VAV2: variants seen among roughly 807,000 people sequenced by gnomAD.
VAV2 encodes the protein vav guanine nucleotide exchange factor 2.
A neutral mutation model predicts 132.5 loss-of-function variants in VAV2; 67 were observed. The ratio of observed to expected loss-of-function variants is 0.51; its 90% CI spans 0.42 to 0.62. The LOEUF is 0.62. VAV2 is among the 20% of genes least tolerant of loss of function. The probability of loss-of-function intolerance (pLI) is 0.00; values close to 1 mark genes in which losing one functional copy is unlikely to be tolerated. For synonymous variants in VAV2, 492 were observed against 443.5 expected (o/e 1.11, Z -1.37); for missense variants, 938 against 1,153.6 (o/e 0.81, Z 2.71).
At chr9:133,977,789 G>A (rs143674530) in intron 1 of VAV2, among the ~76,000 whole-genome samples, 119 of 152,308 alleles carry the variant, frequency 7.8e-4, no homozygotes, top group Non-Finnish European at 1.4e-3. Context: ...CAAAACATAG[G>A]CCTCAAAACT....
At chr9:133,966,980 A>T (rs1320598348) in intron 1 of VAV2, among the ~76,000 whole-genome samples, 1 of 149,222 alleles carries the variant, frequency 6.7e-6, no homozygotes, top group Non-Finnish European at 1.5e-5. Flanking sequence ...GGTGGCAGTA[A>T]GCCAAGATTG....
chr9:133,819,289 C>CAA (rs370571874), intron 4 of VAV2, among the ~76,000 whole-genome samples: 30 of 148,592 alleles, frequency 2.0e-4, no homozygotes, highest in East Asian at 4.0e-4. Context: ...CTAAAAAATA[C>CAA]AAAAAAAAAA....
chr9:133,774,926 G>T lies in VAV2; in HGVS notation c.2135+9C>A. 2 of 1,608,180 alleles carry T rather than the reference G, an allele frequency of 1.2e-6. No homozygotes were observed. Among genetic ancestry groups the T allele is most frequent in the Non-Finnish European group, 1.7e-6 (2 of 1,176,374 alleles). ...GATGGGTCTCCTCGAGCCCAGAGCC[G>T]CCACTTACTTGATGCTTATTGCAAA... is the stretch of plus-strand genomic sequence containing the variant. On this transcript the variant is annotated intron_variant, in intron 25 of 29. Coordinates refer to ENST00000371850, the MANE Select transcript of VAV2 (RefSeq NM_001134398.2).
chr9:133,845,127 TCA>T (rs1307083781), intron 3 of VAV2, among the ~76,000 whole-genome samples: 19 of 152,316 alleles, frequency 1.2e-4, no homozygotes, highest in African/African-American at 3.6e-4. Context: ...AGTCGCCGGA[TCA>T]CACAAGCCAG....
intron 2 of VAV2, among the ~76,000 whole-genome samples, chr9:133,904,957 A>G (rs933425509): frequency 6.6e-6 from 1 of 152,172 alleles, no homozygotes; most frequent in Non-Finnish European, 1.5e-5. Context: ...CCTGGCAGGG[A>G]GGGGATGCAG....
chr9:133,772,492 G>T (rs1222539253), intron 25 of VAV2, among the ~76,000 whole-genome samples: 1 of 152,132 alleles, frequency 6.6e-6, no homozygotes, highest in Non-Finnish European at 1.5e-5. Flanking sequence ...AGCCTGTCTG[G>T]GCCTCGGCAC....
intron 2 of VAV2, among the ~76,000 whole-genome samples, chr9:133,929,627 C>A (rs7046600): frequency 6.6e-6 from 1 of 152,096 alleles, no homozygotes; most frequent in Non-Finnish European, 1.5e-5. Flanking sequence ...TCTGCCTGCA[C>A]GCAAAAGCCA....
chr9:133,984,612 C>T (rs1044373640), intron 1 of VAV2, among the ~76,000 whole-genome samples: 1 of 152,154 alleles, frequency 6.6e-6, no homozygotes, highest in African/African-American at 2.4e-5. Context: ...GACCCTGTCT[C>T]TAAAAATAAT....
chr9:133,822,975 G>A (rs1835852964), intron 4 of VAV2, among the ~76,000 whole-genome samples: 1 of 152,160 alleles, frequency 6.6e-6, no homozygotes, highest in South Asian at 2.1e-4. Context: ...GGGGGCTGGA[G>A]CACCCACCTT....
chr9:133,949,410 C>T (rs866585333), intron 1 of VAV2, among the ~76,000 whole-genome samples: 1 of 152,226 alleles, frequency 6.6e-6, no homozygotes. Context: ...AGACACGTGG[C>T]TGACACGTGG....
rs1413767630 is a variant in VAV2, at chr9:133,991,992, C to T, written c.204+83G>A. 2 of 1,188,736 alleles carry T rather than the reference C, an allele frequency of 1.7e-6. No individual in the cohort carries two copies. The highest frequency in any genetic ancestry group is 1.6e-5 in the African/African-American group (1 of 61,360). The allele number at this position is 1,188,736 out of a possible 1,614,324, so 73.6% of individuals were successfully genotyped here. On this transcript the variant is annotated intron_variant, in intron 1 of 29. Coordinates refer to ENST00000371850, the MANE Select transcript of VAV2 (RefSeq NM_001134398.2). The surrounding 1 kb of genome is among the most constrained non-coding windows in gnomAD (Gnocchi z 4.8). Reference sequence around the variant, plus strand: ...CCAGCCAGGGCGCCTGGGCCGCCGCCGCTGCGACCTCCGCGTTCAGTCCGC... The same window carrying T: ...CCAGCCAGGGCGCCTGGGCCGCCGCTGCTGCGACCTCCGCGTTCAGTCCGC...
intron 2 of VAV2, among the ~76,000 whole-genome samples, chr9:133,881,085 C>T (rs1299375231): frequency 1.3e-5 from 2 of 152,246 alleles, no homozygotes; most frequent in African/African-American, 2.4e-5. Context: ...CCACCCACGT[C>T]CCAGAGAGGC....
intron 2 of VAV2, among the ~76,000 whole-genome samples, chr9:133,932,478 C>A (rs928046907): frequency 6.6e-6 from 1 of 152,230 alleles, no homozygotes; most frequent in African/African-American, 2.4e-5. Flanking sequence ...AGAAGAGAAA[C>A]ACTTCCGGAA....
intron 10 of VAV2, 58 bp from the exon 11 acceptor site, chr9:133,796,582 A>C: frequency 1.3e-6 from 2 of 1,489,168 alleles, no homozygotes; most frequent in South Asian, 2.4e-5. Context: ...GAACCCACCC[A>C]CCTGTACCCC....
intron 1 of VAV2, among the ~76,000 whole-genome samples, chr9:133,977,105 C>A (rs1225732128): frequency 6.6e-6 from 1 of 152,318 alleles, no homozygotes; most frequent in East Asian, 1.9e-4. Context: ...CCACGCCCAG[C>A]CGCCCTGCCC....
intron 3 of VAV2, among the ~76,000 whole-genome samples, chr9:133,838,440 T>C (rs1836557897): frequency 8.2e-6 from 1 of 121,724 alleles, no homozygotes; most frequent in Admixed American, 8.8e-5. Flanking sequence ...GATGGATGAA[T>C]GGATGGGTGG....
At position 133,957,164 on chromosome 9, in the gene VAV2, C is replaced by T. The variant is rs548926625; in HGVS notation, c.205-17945G>A. Among the ~76,000 whole-genome samples, 3 of 152,320 alleles carry T rather than the reference C, an allele frequency of 2.0e-5. No individual in the cohort carries two copies. The East Asian group carries it at 5.8e-4, about 29-fold the overall frequency. On this transcript the variant is annotated intron_variant, in intron 1 of 29. Transcript: ENST00000371850. ...GCTTTACCAGGTGGGGAAACTGAGG[C>T]TCGGCCTGGCAGTTACGGGCCTCCC...
chr9:133,797,160 G>C (rs536553249), intron 10 of VAV2, among the ~76,000 whole-genome samples: 1 of 152,202 alleles, frequency 6.6e-6, no homozygotes, highest in East Asian at 1.9e-4. Flanking sequence ...GGGCTGGGAG[G>C]GGCTCACGTG....
chr9:133,889,902 GGAATATTAGTGTTTCCCATGAATAA>G (rs1308647841), intron 2 of VAV2, among the ~76,000 whole-genome samples: 1 of 152,200 alleles, frequency 6.6e-6, no homozygotes, highest in Non-Finnish European at 1.5e-5. Context: ...ACTCCAGGCT[GGAATATTAGTGTTTCCCATGAATAA>G]TACATGACCC....
Sources: gnomAD v4.1 joint callset for allele counts (sites outside exome capture counted in the v4.1 genomes callset) on GRCh38, gnomAD v4.1.1 for gene constraint, Gnocchi (gnomAD v3.1) non-coding constraint, MANE v1.5 for transcripts, NCBI Gene and HGNC (gene_info 2026-07-23, HGNC 2026-07-21) for gene names.